PCDHA9: variants seen among roughly 807,000 people sequenced by gnomAD.
The protein encoded by PCDHA9 is protocadherin alpha 9.
Under a neutral mutation model 62.0 loss-of-function variants are expected in PCDHA9, and 62 were observed. The observed-to-expected ratio is 1.00, with a 90% CI of 0.81 to 1.23. The LOEUF (loss-of-function observed/expected upper bound fraction) is 1.23. Ranked by LOEUF, PCDHA9 falls within the 50% of genes most tolerant of loss-of-function variation. The pLI is 0.00. For missense variants in PCDHA9, 1,205 were observed against 1,249.8 expected, an observed-to-expected ratio of 0.96 and a Z score of 0.54; for synonymous variants, 557 against 567.6, an observed-to-expected ratio of 0.98 and a Z score of 0.27.
At chr5:140,868,341 T>C (rs1554161894) in intron 1 of PCDHA9, 1 of 152,158 alleles carries the variant, frequency 6.6e-6, no homozygotes, top group African/African-American at 2.4e-5. Flanking sequence ...AAGTCACTTA[T>C]AATCAGAAAG....
intron 3 of PCDHA9, among the ~76,000 whole-genome samples, chr5:141,000,931 T>G (rs1422337935): frequency 1.3e-5 from 2 of 152,188 alleles, no homozygotes; most frequent in African/African-American, 4.8e-5. Flanking sequence ...CCTGTGTGAT[T>G]TAGGACAAAT....
At chr5:140,897,485 A>G (rs1189975695) in intron 1 of PCDHA9, among the ~76,000 whole-genome samples, 2 of 151,884 alleles carry the variant, frequency 1.3e-5, no homozygotes, top group African/African-American at 4.8e-5. Flanking sequence ...GATGATTTCC[A>G]ATTTCAACCA....
chr5:140,966,050 C>T (rs1554228018), intron 1 of PCDHA9, among the ~76,000 whole-genome samples: 3 of 152,206 alleles, frequency 2.0e-5, no homozygotes, highest in African/African-American at 7.2e-5. Context: ...TCGCCAGTAA[C>T]CCCAGAGCGC....
chr5:140,858,711 A>T, intron 1 of PCDHA9: 1 of 537,382 alleles, frequency 1.9e-6, no homozygotes, highest in East Asian at 3.0e-5. Context: ...TATGTGATAT[A>T]GGTTGCAGTT....
intron 1 of PCDHA9, chr5:140,875,787 C>A (rs2055811364): frequency 6.2e-7 from 1 of 1,614,082 alleles, no homozygotes; most frequent in Non-Finnish European, 8.5e-7. Context: ...GCAGTATCCA[C>A]CTGGAGGTGA....
chr5:140,967,503 G>A (rs369053625), intron 1 of PCDHA9: 14 of 1,612,820 alleles, frequency 8.7e-6, no homozygotes, highest in African/African-American at 2.7e-5. Flanking sequence ...ATCTCTGTGC[G>A]TGTCCTGGAC....
chr5:140,974,680 T>C (rs2096636478), intron 1 of PCDHA9, among the ~76,000 whole-genome samples: 1 of 152,074 alleles, frequency 6.6e-6, no homozygotes, highest in African/African-American at 2.4e-5. Flanking sequence ...CCTGGCTAAT[T>C]TTGTATTTTT....
chr5:140,999,480 A>G, intron 3 of PCDHA9, among the ~76,000 whole-genome samples: 1 of 152,176 alleles, frequency 6.6e-6, no homozygotes, highest in East Asian at 1.9e-4. Flanking sequence ...ATTCCAACTC[A>G]AGTCTATGTT....
At chr5:140,910,213 G>C (rs1375224674) in intron 1 of PCDHA9, among the ~76,000 whole-genome samples, 1 of 152,170 alleles carries the variant, frequency 6.6e-6, no homozygotes, top group African/African-American at 2.4e-5. Flanking sequence ...TGACCTGGAA[G>C]TTTTCTGCTT....
chr5:140,939,673 T>C (rs1235567287), intron 1 of PCDHA9, among the ~76,000 whole-genome samples: 1 of 152,196 alleles, frequency 6.6e-6, no homozygotes, highest in African/African-American at 2.4e-5. Context: ...CCAACTTGTA[T>C]GTATGTGTGT....
At chr5:140,927,760 A>G in intron 1 of PCDHA9, 1 of 1,614,206 alleles carries the variant, frequency 6.2e-7, no homozygotes, top group Non-Finnish European at 8.5e-7. Context: ...GCACCCTAAA[A>G]GTGGGGAGGT....
At chr5:140,909,866 A>G (rs1203006388) in intron 1 of PCDHA9, among the ~76,000 whole-genome samples, 2 of 152,212 alleles carry the variant, frequency 1.3e-5, no homozygotes, top group African/African-American at 2.4e-5. Context: ...CCTGGAGTCA[A>G]CGTCAGCTTA....
chr5:140,988,516 G>A (rs1226381986), intron 3 of PCDHA9, among the ~76,000 whole-genome samples: 1 of 152,156 alleles, frequency 6.6e-6, no homozygotes, highest in African/African-American at 2.4e-5. Flanking sequence ...GCTTACTTAA[G>A]TCTCTGCTGG....
At chr5:140,902,203 C>CTTTTTT (rs148688132) in intron 1 of PCDHA9, among the ~76,000 whole-genome samples, 15 of 124,432 alleles carry the variant, frequency 1.2e-4, no homozygotes, top group Non-Finnish European at 2.0e-4. Flanking sequence ...CTCTCTCTTT[C>CTTTTTT]TTTTTTTTTT....
At chr5:140,966,527 G>C (rs1328867902) in intron 1 of PCDHA9, 2 of 444,184 alleles carry the variant, frequency 4.5e-6, no homozygotes, top group Non-Finnish European at 7.8e-6. Context: ...AAGCCGAGCC[G>C]GGTTGAGCGA....
At chr5:140,947,642 C>T (rs62384502) in intron 1 of PCDHA9, among the ~76,000 whole-genome samples, 2 of 151,520 alleles carry the variant, frequency 1.3e-5, no homozygotes, top group East Asian at 1.9e-4. Context: ...ATCGTATGAA[C>T]ATATATACCT....
At chr5:140,890,753 C>G (rs1274674281) in intron 1 of PCDHA9, among the ~76,000 whole-genome samples, 1 of 152,114 alleles carries the variant, frequency 6.6e-6, no homozygotes, top group African/African-American at 2.4e-5. Context: ...TTCTGTCATG[C>G]TTTAAAAATA....
intron 3 of PCDHA9, among the ~76,000 whole-genome samples, chr5:141,007,801 G>A (rs559830556): frequency 2.6e-5 from 4 of 152,148 alleles, no homozygotes; most frequent in African/African-American, 7.2e-5. Flanking sequence ...GCCTTTATCT[G>A]CCATTCATTT....
At chr5:140,877,869 T>G (rs782747532) in intron 1 of PCDHA9, 1 of 1,488,856 alleles carries the variant, frequency 6.7e-7, no homozygotes, top group African/African-American at 1.4e-5. Context: ...TAGATATATT[T>G]GTTTCCTTGA....
Sources: gnomAD v4.1 joint callset for allele counts (sites outside exome capture counted in the v4.1 genomes callset) on GRCh38, gnomAD v4.1.1 for gene constraint, MANE v1.5 for transcripts, NCBI Gene and HGNC (gene_info 2026-07-23, HGNC 2026-07-21) for gene names.